DACH2: variants seen among roughly 807,000 people sequenced by gnomAD.
DACH2 encodes dachshund family transcription factor 2.
Under a neutral mutation model 35.8 loss-of-function variants are expected in DACH2, and 17 were observed. That is an observed-to-expected ratio of 0.48 (90% CI 0.33 to 0.71). DACH2 has a LOEUF of 0.71. DACH2 is among the 30% of genes least tolerant of loss of function. DACH2 has a pLI of 0.02. For synonymous variants in DACH2, 195 were observed against 177.3 expected (o/e 1.10, Z -0.79); for missense variants, 469 against 472.7 (o/e 0.99, Z 0.07).
At chrX:86,320,355 A>C (rs188126172) in intron 1 of DACH2, among the ~76,000 whole-genome samples, 255 of 112,393 alleles carry the variant, frequency 2.3e-3, no homozygotes, top group African/African-American at 7.9e-3. Flanking sequence ...ACCATTACAG[A>C]GAATGTAAAC....
chrX:86,256,938 A>T (rs2033531865), intron 1 of DACH2, among the ~76,000 whole-genome samples: 1 of 111,680 alleles, frequency 9.0e-6, no homozygotes, highest in African/African-American at 3.3e-5. Flanking sequence ...AATCCCCTAT[A>T]TTCACATAAT....
At chrX:86,673,357 A>AAAAAAG (rs2040790508) in intron 4 of DACH2, among the ~76,000 whole-genome samples, 1 of 107,786 alleles carries the variant, frequency 9.3e-6, no homozygotes, top group Non-Finnish European at 1.9e-5. Flanking sequence ...AAAAAAAAAA[A>AAAAAAG]AAGAAGAAGA....
chrX:86,315,692 T>C (rs2034886442), intron 1 of DACH2, among the ~76,000 whole-genome samples: 3 of 109,547 alleles, frequency 2.7e-5, no homozygotes, highest in Admixed American at 2.0e-4. Context: ...AAAGACTTCA[T>C]TGGAAGATGT....
chrX:86,395,496 C>A (rs776337492), intron 2 of DACH2, among the ~76,000 whole-genome samples: 1 of 111,018 alleles, frequency 9.0e-6, no homozygotes, highest in Admixed American at 9.6e-5. Flanking sequence ...ATTAACTCAT[C>A]ATTTAGCATT....
At chrX:86,291,906 C>A (rs2034306163) in intron 1 of DACH2, among the ~76,000 whole-genome samples, 1 of 66,625 alleles carries the variant, frequency 1.5e-5, no homozygotes, top group Admixed American at 2.0e-4. Flanking sequence ...TGTGTCTCTG[C>A]CCAGCTTTGG....
chrX:86,630,605 G>A (rs1009020340), intron 3 of DACH2, among the ~76,000 whole-genome samples: 7 of 110,823 alleles, frequency 6.3e-5, no homozygotes, highest in African/African-American at 2.0e-4. Context: ...TTTGGAAAAA[G>A]TTGATATAAG....
chrX:86,481,948 A>T (rs754760495), intron 2 of DACH2: 1 of 112,254 alleles, frequency 8.9e-6, no homozygotes, highest in South Asian at 3.6e-4. Context: ...AAGCTATTTT[A>T]TTGTTAAATA....
intron 2 of DACH2, among the ~76,000 whole-genome samples, chrX:86,411,695 A>G (rs1224766420): frequency 8.9e-6 from 1 of 112,037 alleles, no homozygotes; most frequent in Non-Finnish European, 1.9e-5. Flanking sequence ...ACAAGCGTAT[A>G]CATGCACAAA....
rs371326804 is a variant in DACH2, at chrX:86,714,537, G to A, written c.932-11G>A. On this transcript the variant is annotated splice_polypyrimidine_tract_variant and intron_variant, in intron 5 of 11. Coordinates refer to ENST00000373125, the MANE Select transcript of DACH2 (RefSeq NM_053281.3). ...TAATGTAACAAGTTTAATATGCACT[G>A]TCTCTTTTAGGACTGGATCTGCCAT... 8.5e-7 allele frequency: 1 copy of A among 1,173,433 alleles called. No homozygotes were observed. Among genetic ancestry groups the A allele is most frequent in the Non-Finnish European group, 1.2e-6 (1 of 868,700 alleles).
chrX:86,502,140 A>G (rs776027326), intron 2 of DACH2, among the ~76,000 whole-genome samples: 5 of 111,191 alleles, frequency 4.5e-5, no homozygotes, highest in African/African-American at 6.5e-5. Context: ...CCCTACTAAC[A>G]GTAAACTTAA....
chrX:86,368,540 A>C (rs1304518898), intron 1 of DACH2, among the ~76,000 whole-genome samples: 3 of 102,676 alleles, frequency 2.9e-5, no homozygotes, highest in Non-Finnish European at 5.9e-5. Context: ...GTCAATAGTC[A>C]ATATTTTTAC....
At chrX:86,730,086 C>G (rs1002595249) in intron 6 of DACH2, among the ~76,000 whole-genome samples, 13 of 110,847 alleles carry the variant, frequency 1.2e-4, no homozygotes, top group African/African-American at 3.6e-4. Flanking sequence ...ACATGCCACT[C>G]TTCTTTAGCT....
intron 1 of DACH2, among the ~76,000 whole-genome samples, chrX:86,182,172 A>G (rs1185073006): frequency 8.9e-6 from 1 of 112,094 alleles, no homozygotes; most frequent in African/African-American, 3.2e-5. Context: ...TTGGCTGTGC[A>G]GAAGGTCTTT....
At chrX:86,551,665 A>G (rs1368344800) in intron 3 of DACH2, among the ~76,000 whole-genome samples, 2 of 112,269 alleles carry the variant, frequency 1.8e-5, no homozygotes, top group African/African-American at 6.5e-5. Flanking sequence ...AATTCTAAAT[A>G]CATTCTTTCT....
intron 2 of DACH2, among the ~76,000 whole-genome samples, chrX:86,426,562 C>G (rs753636910): frequency 1.1e-4 from 12 of 111,818 alleles, no homozygotes; most frequent in Non-Finnish European, 2.3e-4. Context: ...CAGCGATATA[C>G]TTTTTCCCAT....
intron 1 of DACH2, among the ~76,000 whole-genome samples, chrX:86,221,138 C>T (rs752507463): frequency 9.0e-6 from 1 of 111,272 alleles, no homozygotes. Context: ...ATTGCCAAGA[C>T]CAATTCCATG....
At chrX:86,272,280 C>A (rs913478077) in intron 1 of DACH2, among the ~76,000 whole-genome samples, 3 of 107,770 alleles carry the variant, frequency 2.8e-5, no homozygotes, top group African/African-American at 1.0e-4. Flanking sequence ...TTATTTCATA[C>A]CTTTGCTATT....
intron 1 of DACH2, among the ~76,000 whole-genome samples, chrX:86,182,534 C>T (rs367908805): frequency 9.0e-6 from 1 of 111,591 alleles, no homozygotes; most frequent in Non-Finnish European, 1.9e-5. Context: ...TGTTCTGTTC[C>T]GTTGGTCTAC....
intron 3 of DACH2, among the ~76,000 whole-genome samples, chrX:86,632,996 T>A (rs770904067): frequency 4.5e-4 from 49 of 107,854 alleles, no homozygotes; most frequent in African/African-American, 1.6e-3. Flanking sequence ...AAATCACAAA[T>A]TAATAACCAA....
Sources: gnomAD v4.1 joint callset for allele counts (sites outside exome capture counted in the v4.1 genomes callset) on GRCh38, gnomAD v4.1.1 for gene constraint, MANE v1.5 for transcripts, NCBI Gene and HGNC (gene_info 2026-07-23, HGNC 2026-07-21) for gene names.